Variants in SLIT3 observed in about 807,000 individuals in gnomAD.
SLIT3 encodes the protein slit guidance ligand 3.
In SLIT3, 68 loss-of-function variants were observed where a neutral mutation model predicts 184.0. The ratio of observed to expected loss-of-function variants is 0.37; its 90% confidence interval spans 0.30 to 0.45. The LOEUF is 0.45. Among genes scored for constraint, SLIT3 ranks in the 20% least tolerant of loss-of-function variants. The pLI, the probability that SLIT3 is intolerant of heterozygous loss-of-function variation, is 1.00. For synonymous variants in SLIT3, 831 were observed against 828.6 expected (o/e 1.00, Z -0.05); for missense variants, 1,707 against 2,026.0 (o/e 0.84, Z 3.02).
chr5:168,723,097 A>G (rs1220158657), intron 21 of SLIT3, 93 bp from the exon 22 acceptor site: 1 of 837,788 alleles, frequency 1.2e-6, no homozygotes, highest in East Asian at 2.4e-5. Context: ...CCATCCACCC[A>G]CTCATCTACC....
intron 4 of SLIT3, among the ~76,000 whole-genome samples, chr5:168,991,399 G>T (rs1179845077): frequency 6.6e-6 from 1 of 152,214 alleles, no homozygotes; most frequent in African/African-American, 2.4e-5. Context: ...CACCTGCCTG[G>T]CTGGGAAGCA....
At chr5:169,076,095 A>T (rs1758729037) in intron 4 of SLIT3, among the ~76,000 whole-genome samples, 1 of 152,158 alleles carries the variant, frequency 6.6e-6, no homozygotes, top group Admixed American at 6.5e-5. Context: ...CAAGGGCAGG[A>T]CCCTCAGGGG....
intron 4 of SLIT3, among the ~76,000 whole-genome samples, chr5:169,007,086 A>G (rs537384613): frequency 6.6e-6 from 1 of 152,272 alleles, no homozygotes; most frequent in African/African-American, 2.4e-5. Flanking sequence ...TTCTCGTGAT[A>G]GTGAGTGAGT....
Position 169,223,123 on chromosome 5 carries a change from T to G in SLIT3, c.341+21582A>C, listed in dbSNP as rs560216870. Among the ~76,000 whole-genome samples, 8 of 152,218 alleles carry G rather than the reference T, an allele frequency of 5.3e-5. No homozygotes were observed. The South Asian group carries it at 1.7e-3, about 32-fold the overall frequency. On this transcript the variant is annotated intron_variant, in intron 3 of 35. Transcript: ENST00000519560. ...GTGCTTTTCCCACAGCTGAAACACA[T>G]GTTAAACCAGAGAGAATTCCCAGGG...
intron 4 of SLIT3, among the ~76,000 whole-genome samples, chr5:168,913,840 C>T (rs1200897319): frequency 1.3e-5 from 2 of 152,218 alleles, no homozygotes; most frequent in Middle Eastern, 3.4e-3. Flanking sequence ...CCTCTGGTCT[C>T]TTCCTCTAAA....
At chr5:169,256,861 T>C (rs991853072) in intron 1 of SLIT3, among the ~76,000 whole-genome samples, 15 of 152,118 alleles carry the variant, frequency 9.9e-5, no homozygotes, top group Non-Finnish European at 7.4e-5. Flanking sequence ...GAGAAAAGAC[T>C]GCATAATTAG....
At chr5:168,789,447 T>G in intron 11 of SLIT3, 113 bp downstream of exon 11, 1 of 748,808 alleles carries the variant, frequency 1.3e-6, no homozygotes, top group Non-Finnish European at 2.3e-6. Flanking sequence ...GCCACAAGTG[T>G]GTAAGGGAAC....
At chr5:168,934,848 G>A (rs1026182745) in intron 4 of SLIT3, among the ~76,000 whole-genome samples, 2 of 151,784 alleles carry the variant, frequency 1.3e-5, no homozygotes, top group African/African-American at 4.8e-5. Context: ...GAAACAAGAA[G>A]GCTGGGCGCG....
At chr5:168,696,710 G>C (rs953358339) in intron 27 of SLIT3, among the ~76,000 whole-genome samples, 1 of 152,130 alleles carries the variant, frequency 6.6e-6, no homozygotes, top group Admixed American at 6.5e-5. Flanking sequence ...CACCAACAAG[G>C]CCGGTGTCAT....
At position 168,774,276 on chromosome 5, in the gene SLIT3, G is replaced by A. The variant is rs866067513; in HGVS notation, c.1254C>T (p.Ile418=). 2 of 1,614,068 alleles carry A rather than the reference G, an allele frequency of 1.2e-6. No homozygotes were observed. The highest frequency in any genetic ancestry group is 1.7e-6 in the Non-Finnish European group (2 of 1,179,974). The change falls in exon 13 of 36, where the codon ATC becomes ATT. Residue 418 remains isoleucine (I), a synonymous_variant. Transcript: ENST00000519560. ...GCAGAGGGGCGAAGAGCCCCTTGCT[G>A]ATGGTCTGCAGCTTGTTGTCATACA... ...LSLYDNKLQT[I]SKGLFAPLQS...
intron 3 of SLIT3, among the ~76,000 whole-genome samples, chr5:169,229,783 T>C (rs1033287434): frequency 6.6e-6 from 1 of 152,096 alleles, no homozygotes; most frequent in Non-Finnish European, 1.5e-5. Flanking sequence ...GGTAATCTCA[T>C]AAGAGCCTCA....
At chr5:168,787,464 C>T (rs1756197515) in intron 11 of SLIT3, among the ~76,000 whole-genome samples, 1 of 152,164 alleles carries the variant, frequency 6.6e-6, no homozygotes, top group Non-Finnish European at 1.5e-5. Flanking sequence ...CAGGTCTTGG[C>T]TTGACTACCT....
At chr5:168,672,294 T>A (rs1297887950) in intron 33 of SLIT3, among the ~76,000 whole-genome samples, 1 of 152,090 alleles carries the variant, frequency 6.6e-6, no homozygotes, top group East Asian at 1.9e-4. Context: ...AACCACCCAT[T>A]AACAACACCC....
chr5:169,231,283 A>G (rs897267163), intron 3 of SLIT3, among the ~76,000 whole-genome samples: 20 of 152,150 alleles, frequency 1.3e-4, no homozygotes, highest in African/African-American at 1.9e-4. Flanking sequence ...ATGTTCACCA[A>G]CTGAACAGAT....
At chr5:168,757,398 A>C (rs60032202) in intron 16 of SLIT3, among the ~76,000 whole-genome samples, 1 of 152,012 alleles carries the variant, frequency 6.6e-6, no homozygotes, top group Admixed American at 6.5e-5. Context: ...GGCTCCTGAA[A>C]GTGTCTGGGT....
intron 4 of SLIT3, among the ~76,000 whole-genome samples, chr5:168,916,162 A>G (rs1051727843): frequency 6.6e-6 from 1 of 152,234 alleles, no homozygotes; most frequent in Non-Finnish European, 1.5e-5. Flanking sequence ...CAATTGTTAA[A>G]TCTAAGTGAT....
chr5:169,300,668 G>A lies in SLIT3; in HGVS notation c.42C>T (p.Ala14=). 1 of 1,411,338 alleles carries A rather than the reference G, an allele frequency of 7.1e-7. No homozygotes were observed. The highest frequency in any genetic ancestry group is 9.2e-7 in the Non-Finnish European group (1 of 1,091,130). 87.4% of individuals were successfully genotyped at this position (1,411,338 alleles called of 1,614,324 possible). Reference sequence around the variant, plus strand: ...CCAGCGCCAAGGCCAGCGCCAGGCGGGCGCGCACGGCGGCGCCGACCCCTG... The same window carrying A: ...CCAGCGCCAAGGCCAGCGCCAGGCGAGCGCGCACGGCGGCGCCGACCCCTG... ...GWAGVGAAVR[A]RLALALALAS... The change falls in exon 1 of 36, where the codon GCC becomes GCT. Residue 14 remains alanine, a synonymous_variant. Transcript: ENST00000519560. This position sits in a 1 kb window ranked among gnomAD's most constrained non-coding sequence, Gnocchi z 4.1.
At chr5:168,941,486 T>C (rs969329750) in intron 4 of SLIT3, among the ~76,000 whole-genome samples, 1 of 152,190 alleles carries the variant, frequency 6.6e-6, no homozygotes, top group African/African-American at 2.4e-5. Context: ...TGGTACATAG[T>C]ACATGTTCAA....
At chr5:169,222,823 G>T (rs983764281) in intron 3 of SLIT3, among the ~76,000 whole-genome samples, 2 of 152,308 alleles carry the variant, frequency 1.3e-5, no homozygotes, top group East Asian at 1.9e-4. Flanking sequence ...TTCAGCCATT[G>T]TCACCCAGAG....
Sources: gnomAD v4.1 joint callset for allele counts (sites outside exome capture counted in the v4.1 genomes callset) on GRCh38, gnomAD v4.1.1 for gene constraint, Gnocchi (gnomAD v3.1) non-coding constraint, MANE v1.5 for transcripts, NCBI Gene and HGNC (gene_info 2026-07-23, HGNC 2026-07-21) for gene names.